The following RNF13 variants were observed in gnomAD, a reference collection of about 807,000 sequenced individuals.
RNF13 encodes E3 ubiquitin-protein ligase RNF13.
A neutral mutation model predicts 37.7 loss-of-function variants in RNF13; 19 were observed. The observed-to-expected ratio is 0.50, with a 90% CI of 0.35 to 0.74. RNF13 has a LOEUF of 0.74. RNF13 is among the 30% of genes least tolerant of loss of function. The pLI is 0.01. For synonymous variants in RNF13, 144 were observed against 157.8 expected (o/e 0.91, Z 0.65); for missense variants, 375 against 453.0 (o/e 0.83, Z 1.56).
At chr3:149,929,990 A>G (rs939007322) in intron 8 of RNF13, among the ~76,000 whole-genome samples, 3 of 152,090 alleles carry the variant, frequency 2.0e-5, no homozygotes, top group Non-Finnish European at 4.4e-5. Context: ...CAGTGGTGCA[A>G]TCTCGGCTCA....
chr3:149,869,668 G>A (rs868520298), intron 3 of RNF13, among the ~76,000 whole-genome samples: 34 of 151,572 alleles, frequency 2.2e-4, no homozygotes, highest in African/African-American at 4.1e-4. Flanking sequence ...TTCTTGCTTC[G>A]TCCATTTGGG....
chr3:149,832,264 T>C (rs1165376072), intron 1 of RNF13, among the ~76,000 whole-genome samples: 1 of 152,194 alleles, frequency 6.6e-6, no homozygotes, highest in East Asian at 1.9e-4. Context: ...TGAGCTTACT[T>C]GGTGGATTTC....
intron 8 of RNF13, among the ~76,000 whole-genome samples, chr3:149,957,901 A>G (rs1309500381): frequency 3.3e-5 from 5 of 152,198 alleles, no homozygotes; most frequent in Non-Finnish European, 7.3e-5. Flanking sequence ...TTACCATTTC[A>G]TCACAAGTCC....
chr3:149,919,857 C>G (rs1717941234), intron 7 of RNF13, among the ~76,000 whole-genome samples: 1 of 152,200 alleles, frequency 6.6e-6, no homozygotes, highest in South Asian at 2.1e-4. Flanking sequence ...TACAATCCCA[C>G]CAGAAAGTGT....
intron 8 of RNF13, among the ~76,000 whole-genome samples, chr3:149,922,154 A>G (rs1441827326): frequency 6.6e-6 from 1 of 152,038 alleles, no homozygotes; most frequent in Admixed American, 6.6e-5. Context: ...TTGTATTCTT[A>G]GTAGAGACGG....
chr3:149,897,578 A>G (rs1258117030), intron 5 of RNF13, among the ~76,000 whole-genome samples: 3 of 152,220 alleles, frequency 2.0e-5, no homozygotes, highest in African/African-American at 7.2e-5. Context: ...AAGACTGCTC[A>G]GAATTTTGGT....
chr3:149,887,272 A>G (rs1450040132), intron 4 of RNF13, among the ~76,000 whole-genome samples: 2 of 152,226 alleles, frequency 1.3e-5, no homozygotes, highest in Admixed American at 1.3e-4. Flanking sequence ...AATTTCAATA[A>G]TGAATAGAAC....
At chr3:149,937,395 G>A (rs958964363) in intron 8 of RNF13, among the ~76,000 whole-genome samples, 6 of 152,064 alleles carry the variant, frequency 3.9e-5, no homozygotes, top group African/African-American at 1.4e-4. Flanking sequence ...TAGAGAAGTC[G>A]AGGGGCATCA....
rs552069392 is a variant in RNF13 at position 149,918,602 on chromosome 3, A to G, written c.607-2532A>G. Among the ~76,000 whole-genome samples the G allele has an allele frequency of 2.0e-4, 30 of 152,056 alleles. No individual in the cohort carries two copies. In the South Asian group the frequency reaches 4.8e-3, roughly 24 times the overall value. On this transcript the variant is annotated intron_variant, in intron 7 of 9. Coordinates refer to ENST00000392894, the MANE Select transcript of RNF13 (RefSeq NM_183381.3). Reference sequence around the variant, plus strand: ...ACCCAGGCTGGAGTACAGTGGCACAATCATAGCTCACTATAACCTCAAGTG... The same window carrying G: ...ACCCAGGCTGGAGTACAGTGGCACAGTCATAGCTCACTATAACCTCAAGTG...
At chr3:149,863,410 C>T (rs893150781) in intron 3 of RNF13, among the ~76,000 whole-genome samples, 1 of 152,090 alleles carries the variant, frequency 6.6e-6, no homozygotes, top group Non-Finnish European at 1.5e-5. Flanking sequence ...GATGGAGACT[C>T]GCTCTGTCAT....
rs761261580 is a variant in RNF13, at chr3:149,960,947, G to T, written c.989G>T (p.Arg330Leu). Residue 330 changes from arginine (R) to leucine (L), a missense_variant, in exon 10 of 10, where the codon CGC becomes CTC. Coordinates refer to ENST00000392894, the MANE Select transcript of RNF13 (RefSeq NM_183381.3). ...TCATTTGGGGCTTTATCGGAATCCC[G>T]CTCACATCAGAACATGACAGAATCT... ...AQSFGALSES[R>L]SHQNMTESSD... is the part of the protein sequence containing the mutation. The T allele has an allele frequency of 1.2e-6, 2 of 1,614,136 alleles. No individual in the cohort carries two copies. The highest frequency in any genetic ancestry group is 2.2e-5 in the South Asian group (2 of 91,080).
intron 8 of RNF13, among the ~76,000 whole-genome samples, chr3:149,938,172 T>A (rs11920742): frequency 0.028 from 4,315 of 151,468 alleles, 202 homozygotes; most frequent in African/African-American, 0.1. Context: ...TATAATTTTT[T>A]AAAATTTTTT....
At chr3:149,813,390 T>A (rs6764359) in intron 1 of RNF13, 37 bp downstream of exon 1, 1 of 152,272 alleles carries the variant, frequency 6.6e-6, no homozygotes, top group Non-Finnish European at 1.5e-5. Flanking sequence ...GCCGGGCAGC[T>A]CGTTATCGAG....
At chr3:149,959,658 G>C (rs1013658257) in intron 8 of RNF13, among the ~76,000 whole-genome samples, 1 of 151,920 alleles carries the variant, frequency 6.6e-6, no homozygotes, top group African/African-American at 2.4e-5. Flanking sequence ...GTTTTTATTT[G>C]CTAATATAGT....
At chr3:149,833,628 G>A (rs1167683962) in intron 1 of RNF13, among the ~76,000 whole-genome samples, 1 of 152,052 alleles carries the variant, frequency 6.6e-6, no homozygotes, top group Non-Finnish European at 1.5e-5. Flanking sequence ...CAGAATAAAG[G>A]CCATGTGTAA....
chr3:149,895,759 A>T (rs1715189072), intron 5 of RNF13, among the ~76,000 whole-genome samples, 199 bp downstream of exon 5: 1 of 151,976 alleles, frequency 6.6e-6, no homozygotes, highest in South Asian at 2.1e-4. Flanking sequence ...GTTTTTTTTT[A>T]AACATATATG....
At chr3:149,940,937 C>T (rs1720194322) in intron 8 of RNF13, among the ~76,000 whole-genome samples, 4 of 152,142 alleles carry the variant, frequency 2.6e-5, no homozygotes, top group Admixed American at 2.6e-4. Flanking sequence ...TATGAGTGGA[C>T]TGATACAGTA....
rs768978970 is a variant in RNF13, at chr3:149,846,083, G to T, written c.57G>T (p.Leu19Phe). 54 of 1,612,942 alleles carry T rather than the reference G, an allele frequency of 3.3e-5. No individual in the cohort carries two copies. Among genetic ancestry groups the T allele is most frequent in the Middle Eastern group, 1.9e-4 (1 of 5,400 alleles). ...MLSATQVYTI[L>F]TVQLFAFLNL... ...CAGCCACACAAGTCTACACCATCTT[G>T]ACTGTCCAGCTCTTTGCATTCTTAA... Residue 19 changes from leucine to phenylalanine, a missense_variant, in exon 2 of 10, where the codon TTG (leucine) becomes TTT (phenylalanine). By Grantham distance (22) the Leu-to-Phe change is conservative. Coordinates refer to ENST00000392894, the MANE Select transcript of RNF13 (RefSeq NM_183381.3).
chr3:149,936,706 G>A (rs978989441), intron 8 of RNF13, among the ~76,000 whole-genome samples: 6 of 152,160 alleles, frequency 3.9e-5, no homozygotes, highest in Non-Finnish European at 8.8e-5. Context: ...TTCATCTCAG[G>A]TTGGTAGGGT....
Sources: allele counts gnomAD v4.1 joint callset (sites outside exome capture counted in the v4.1 genomes callset), GRCh38; gene constraint gnomAD v4.1.1; transcripts MANE v1.5; gene names NCBI Gene and HGNC (gene_info 2026-07-23, HGNC 2026-07-21).